MAPT: variants seen among roughly 807,000 people sequenced by gnomAD.
The protein encoded by MAPT is microtubule-associated protein tau.
Under a neutral mutation model 67.9 loss-of-function variants are expected in MAPT, and 34 were observed. The observed-to-expected ratio is 0.50, with a 90% CI of 0.38 to 0.67. MAPT has a LOEUF of 0.67. Ranked by LOEUF, MAPT falls within the 30% of genes least tolerant of loss-of-function variation. MAPT has a pLI of 0.00. For synonymous variants in MAPT, 456 were observed against 464.5 expected, an observed-to-expected ratio of 0.98 and a Z score of 0.23; for missense variants, 881 against 1,115.2, an observed-to-expected ratio of 0.79 and a Z score of 2.99.
At chr17:45,967,257 T>G (rs1221179815) in intron 2 of MAPT, among the ~76,000 whole-genome samples, 1 of 152,178 alleles carries the variant, frequency 6.6e-6, no homozygotes, top group Non-Finnish European at 1.5e-5. Flanking sequence ...AGATAAGACA[T>G]GCAAATGGGG....
At position 45,965,706 on chromosome 17, in the gene MAPT, G is replaced by A. The variant is rs555725534; in HGVS notation, c.133+3236G>A. On this transcript the variant is annotated intron_variant, in intron 2 of 12. Coordinates refer to ENST00000262410, the MANE Select transcript of MAPT (RefSeq NM_001377265.1). Reference sequence around the variant, plus strand: ...GCTGGGATTGCAGGCATGAGCCACCGTGCCCAGTCAACTCCTTCTCAAAAA... The same window carrying A: ...GCTGGGATTGCAGGCATGAGCCACCATGCCCAGTCAACTCCTTCTCAAAAA... 1.4e-4 allele frequency among the ~76,000 whole-genome samples: 21 copies of A among 146,298 alleles called. No individual in the cohort carries two copies. The South Asian group carries it at 1.5e-3, about 11-fold the overall frequency.
At chr17:46,017,095 C>T (rs2076230069) in intron 11 of MAPT, among the ~76,000 whole-genome samples, 1 of 152,210 alleles carries the variant, frequency 6.6e-6, no homozygotes. Flanking sequence ...CTCCCTTGGA[C>T]ACTTTGTGGG....
chr17:45,987,664 T>C (rs1288407995), intron 6 of MAPT, among the ~76,000 whole-genome samples: 1 of 152,262 alleles, frequency 6.6e-6, no homozygotes, highest in Non-Finnish European at 1.5e-5. Flanking sequence ...AAATTCTGTC[T>C]GAAACACCTG....
At chr17:45,998,294 A>C (rs1277469673) in intron 9 of MAPT, among the ~76,000 whole-genome samples, 1 of 150,346 alleles carries the variant, frequency 6.7e-6, no homozygotes, top group Non-Finnish European at 1.5e-5. Context: ...GTGCAGTGTC[A>C]CATCCCATCG....
In MAPT at chr17:45,989,923, C is replaced by T. The variant is rs199759929; in HGVS notation, c.1453C>T (p.Leu485Phe). The T allele has an allele frequency of 5.6e-5, 91 of 1,614,028 alleles. No homozygotes were observed. In the Middle Eastern group the frequency reaches 8.2e-4, roughly 15 times the overall value. ...SAKTLKNRPC[L>F]SPKHPTPGSS... ...TAAAACCTTGAAAAATAGGCCTTGCCTTAGCCCCAAACACCCCACTCCTGG... is the reference window on the plus strand; with the variant it reads ...TAAAACCTTGAAAAATAGGCCTTGCTTTAGCCCCAAACACCCCACTCCTGG... Residue 485 changes from leucine to phenylalanine, a missense_variant, in exon 7 of 13, where the codon CTT (leucine) becomes TTT (phenylalanine). Physicochemically the swap from Leu to Phe is conservative, Grantham distance 22. Transcript: ENST00000262410.
At chr17:46,005,266 C>T (rs770023139) in intron 9 of MAPT, among the ~76,000 whole-genome samples, 22 of 152,054 alleles carry the variant, frequency 1.4e-4, no homozygotes, top group Admixed American at 7.2e-4. Context: ...CTTTTTGCCT[C>T]GGCTTCCAGG....
intron 2 of MAPT, among the ~76,000 whole-genome samples, chr17:45,963,832 C>T (rs2070733333): frequency 6.6e-6 from 1 of 152,052 alleles, no homozygotes; most frequent in Non-Finnish European, 1.5e-5. Context: ...TGGAGAGGTT[C>T]CAGGACTGGT....
chr17:46,004,161 T>C (rs62064665), intron 9 of MAPT, among the ~76,000 whole-genome samples: 21,752 of 152,106 alleles, frequency 0.14, 2,129 homozygotes, highest in Non-Finnish European at 0.22. Flanking sequence ...ACAGGCCAAG[T>C]CTGGGCCAGC....
chr17:45,993,025 G>A (rs1323366112), intron 8 of MAPT, among the ~76,000 whole-genome samples: 1 of 152,170 alleles, frequency 6.6e-6, no homozygotes, highest in South Asian at 2.1e-4. Context: ...CACCATGTAG[G>A]GGTGTCTGAC....
chr17:46,014,813 G>A (rs2076056043), intron 11 of MAPT, among the ~76,000 whole-genome samples: 1 of 151,976 alleles, frequency 6.6e-6, no homozygotes, highest in African/African-American at 2.4e-5. Flanking sequence ...GGCGGAGCTT[G>A]CAGTGAGCGG....
intron 9 of MAPT, among the ~76,000 whole-genome samples, chr17:45,998,938 C>G (rs1272028953): frequency 6.6e-6 from 1 of 152,162 alleles, no homozygotes; most frequent in Non-Finnish European, 1.5e-5. Flanking sequence ...CCCACCCATG[C>G]ACCCCCATCC....
rs920753112 is a variant in MAPT at position 45,982,894 on chromosome 17, G to A, written c.315G>A (p.Arg105=). The change falls in exon 5 of 13, where the codon AGG becomes AGA. Residue 105 remains arginine (R), a synonymous_variant. Transcript: ENST00000262410. ...AGTTGAGAGTTCCGGGCCGGCAGAG[G>A]AAGGCGCCTGAAAGGCCCCTGGCCA... The part of the protein sequence containing the change: ...QEELRVPGRQ[R]KAPERPLANE... 20 of 1,328,186 alleles carry A rather than the reference G, an allele frequency of 1.5e-5. No homozygotes were observed. The highest frequency in any genetic ancestry group is 1.8e-5 in the Non-Finnish European group (19 of 1,040,294). The allele number at this position is 1,328,186 out of a possible 1,614,324, so 82.3% of individuals were successfully genotyped here.
chr17:45,992,582 C>T (rs572692957), intron 8 of MAPT, among the ~76,000 whole-genome samples: 19 of 152,212 alleles, frequency 1.2e-4, no homozygotes, highest in African/African-American at 4.6e-4. Context: ...ATTTTGCAGC[C>T]AGGAGTGCTA....
At chr17:45,924,393 G>A (rs533982176) in intron 1 of MAPT, among the ~76,000 whole-genome samples, 1 of 152,362 alleles carries the variant, frequency 6.6e-6, no homozygotes, top group South Asian at 2.1e-4. Context: ...CAGGAGTGCG[G>A]TCGACTCCCA....
chr17:45,928,552 T>C (rs936614085), intron 1 of MAPT, among the ~76,000 whole-genome samples: 1 of 152,178 alleles, frequency 6.6e-6, no homozygotes, highest in African/African-American at 2.4e-5. Flanking sequence ...GCACTCTGGC[T>C]GCCTACCTTA....
intron 1 of MAPT, among the ~76,000 whole-genome samples, chr17:45,937,430 G>C (rs1396011995): frequency 4.6e-5 from 7 of 151,660 alleles, no homozygotes; most frequent in Non-Finnish European, 1.0e-4. Context: ...TCTACAAAAA[G>C]AAAAAATGTA....
At chr17:46,000,316 T>C (rs916599866) in intron 9 of MAPT, among the ~76,000 whole-genome samples, 4 of 152,194 alleles carry the variant, frequency 2.6e-5, no homozygotes, top group African/African-American at 9.6e-5. Context: ...TTTTCTCTGT[T>C]TTCAGGATTT....
At chr17:45,980,859 G>A (rs2072883237) in intron 4 of MAPT, among the ~76,000 whole-genome samples, 1 of 152,170 alleles carries the variant, frequency 6.6e-6, no homozygotes, top group Admixed American at 6.5e-5. Flanking sequence ...TTGCCTCTGG[G>A]CTGTTCTTCC....
chr17:45,940,710 G>A (rs2067773913), intron 1 of MAPT, among the ~76,000 whole-genome samples: 2 of 152,112 alleles, frequency 1.3e-5, no homozygotes, highest in South Asian at 4.1e-4. Context: ...GCACTGAGCA[G>A]GACCCATTTG....
Sources: allele counts gnomAD v4.1 joint callset (sites outside exome capture counted in the v4.1 genomes callset), GRCh38; gene constraint gnomAD v4.1.1; transcripts MANE v1.5; gene names NCBI Gene and HGNC (gene_info 2026-07-23, HGNC 2026-07-21).